Variants in MIB1 observed in about 807,000 individuals in gnomAD.
The protein encoded by MIB1 is E3 ubiquitin-protein ligase MIB1.
MIB1 carries 278 observed loss-of-function variants against 124.5 expected under a neutral mutation model. The ratio of observed to expected loss-of-function variants is 2.23; its 90% confidence interval spans 2.02 to 2.47. The LOEUF is 2.47. Among genes scored for constraint, MIB1 ranks in the 30% most tolerant of loss-of-function variants. The probability of loss-of-function intolerance (pLI) is 0.00; values close to 1 mark genes in which losing one functional copy is unlikely to be tolerated. For missense variants in MIB1, 957 were observed against 1,254.4 expected, an observed-to-expected ratio of 0.76 and a Z score of 3.58; for synonymous variants, 446 against 429.4, an observed-to-expected ratio of 1.04 and a Z score of -0.48.
Position 21,803,946 on chromosome 18 carries a change from GC to G in MIB1, c.1412del (p.Ala471ValfsTer10). ...TGCTGGCCACACAGCTATGCAAGCT[GC>G]TAGTCAGAATGGACATGTTGACATT... ...QCAGHTAMQA[A>X]SQNGHVDILK... On this transcript the variant is annotated frameshift_variant, in exon 10 of 21. Coordinates refer to ENST00000261537, the MANE Select transcript of MIB1 (RefSeq NM_020774.4). LOFTEE classifies it high-confidence loss of function. The G allele has an allele frequency of 6.2e-7, 1 of 1,613,762 alleles. No homozygotes were observed. The highest frequency in any genetic ancestry group is 8.5e-7 in the Non-Finnish European group (1 of 1,179,832).
intron 18 of MIB1, among the ~76,000 whole-genome samples, chr18:21,853,798 A>G (rs1247340459): frequency 6.6e-6 from 1 of 152,096 alleles, no homozygotes. Flanking sequence ...CCCTTGTTCA[A>G]GTTCATACAC....
At chr18:21,707,415 G>A (rs1293801756) in intron 1 of MIB1, among the ~76,000 whole-genome samples, 2 of 152,188 alleles carry the variant, frequency 1.3e-5, no homozygotes, top group African/African-American at 4.8e-5. Context: ...ATAAAAGCAG[G>A]CTGCCCGAGC....
chr18:21,789,537 C>T (rs2041477575), intron 6 of MIB1, among the ~76,000 whole-genome samples: 1 of 151,966 alleles, frequency 6.6e-6, no homozygotes, highest in South Asian at 2.1e-4. Flanking sequence ...AAGTGTAATC[C>T]CTATCAAAAT....
At chr18:21,721,804 G>A (rs2040716993) in intron 1 of MIB1, among the ~76,000 whole-genome samples, 1 of 152,256 alleles carries the variant, frequency 6.6e-6, no homozygotes, top group East Asian at 1.9e-4. Flanking sequence ...GAGAAAAGTT[G>A]CAAAGATAGT....
intron 4 of MIB1, among the ~76,000 whole-genome samples, chr18:21,775,115 T>G (rs2041268483): frequency 6.6e-6 from 1 of 151,904 alleles, no homozygotes. Flanking sequence ...CCGGCTCATT[T>G]TTTGCATTTT....
chr18:21,782,891 A>C (rs2041386519), intron 6 of MIB1, among the ~76,000 whole-genome samples: 1 of 152,106 alleles, frequency 6.6e-6, no homozygotes, highest in Non-Finnish European at 1.5e-5. Flanking sequence ...CCTACTGTTA[A>C]AGATATTGCA....
At chr18:21,829,135 ATTTG>A (rs2041955504) in intron 12 of MIB1, 1 of 426,940 alleles carries the variant, frequency 2.3e-6, no homozygotes, top group South Asian at 1.8e-5. Context: ...TTATTTTCTT[ATTTG>A]TTAGTGAAAC....
rs372315844 is a variant in MIB1, at chr18:21,835,772, G to GA, written c.1830-2580dup. On this transcript the variant is annotated intron_variant, in intron 12 of 20. Coordinates refer to ENST00000261537, the MANE Select transcript of MIB1 (RefSeq NM_020774.4). The stretch of plus-strand genomic sequence containing the variant: ...GCAACACAGCAAGACTCCATCTCAA[G>GA]AAAAAAAAAAAAATATATATATATA... Among the ~76,000 whole-genome samples, 61 of 82,684 alleles carry GA rather than the reference G, an allele frequency of 7.4e-4. No homozygotes were observed. The Middle Eastern group carries it at 0.023, about 31-fold the overall frequency. The allele number at this position is 82,684 out of a possible 152,430, so 54.2% of individuals were successfully genotyped here. A position where few individuals can be genotyped will look rare whatever the true frequency, so the allele number is the denominator to read the frequency against.
At chr18:21,843,974 T>G in intron 14 of MIB1, 118 bp from the exon 15 acceptor site, 1 of 917,700 alleles carries the variant, frequency 1.1e-6, no homozygotes, top group South Asian at 1.8e-5. Context: ...ATAAAAATGA[T>G]TAGCTTTAGT....
rs2042345183 is a variant in MIB1, at chr18:21,870,090, G to A, written c.*5424G>A. ...AATGATTTCTTGCTTATTAGCTTTT[G>A]TTAAAGAATGCTTAGTAAGAGCTAA... On this transcript the variant is annotated 3_prime_UTR_variant, in exon 21 of 21. Coordinates refer to ENST00000261537, the MANE Select transcript of MIB1 (RefSeq NM_020774.4). 2 of 152,414 alleles carry A rather than the reference G, an allele frequency of 1.3e-5. No individual in the cohort carries two copies. The highest frequency in any genetic ancestry group is 4.8e-5 in the African/African-American group (2 of 41,402). The allele number at this position is 152,414 out of a possible 1,614,324, so 9.4% of individuals were successfully genotyped here. A position where few individuals can be genotyped will look rare whatever the true frequency, so the allele number is the denominator to read the frequency against.
chr18:21,809,138 A>G (rs1036930870), intron 10 of MIB1, among the ~76,000 whole-genome samples: 5 of 152,122 alleles, frequency 3.3e-5, no homozygotes, highest in African/African-American at 7.2e-5. Flanking sequence ...ACTATGAACA[A>G]TATGCCAACA....
chr18:21,817,622 C>A, intron 11 of MIB1: 1 of 383,988 alleles, frequency 2.6e-6, no homozygotes, highest in Non-Finnish European at 5.1e-6. Flanking sequence ...AAACAGGTGG[C>A]TCCAATGTGT....
chr18:21,813,608 A>G (rs2041798559), intron 10 of MIB1, among the ~76,000 whole-genome samples: 1 of 122,558 alleles, frequency 8.2e-6, no homozygotes, highest in African/African-American at 3.8e-5. Flanking sequence ...GTGGATTCCT[A>G]CATGAGTGCT....
chr18:21,751,091 G>A (rs1056317141), intron 1 of MIB1, among the ~76,000 whole-genome samples: 1 of 151,868 alleles, frequency 6.6e-6, no homozygotes, highest in Non-Finnish European at 1.5e-5. Context: ...CCAGCTATTT[G>A]TTGGTGAGGC....
At chr18:21,736,404 G>A (rs544970398), upstream of MIB1, among the ~76,000 whole-genome samples, 2 of 152,288 alleles carry the variant, frequency 1.3e-5, no homozygotes, top group African/African-American at 4.8e-5. Context: ...CACAGAGATG[G>A]GGAGAAACCA....
intron 15 of MIB1, among the ~76,000 whole-genome samples, chr18:21,844,887 A>G (rs1199710010): frequency 2.6e-5 from 4 of 152,096 alleles, no homozygotes; most frequent in Non-Finnish European, 5.9e-5. Context: ...TCTTTTGTTC[A>G]TTATTTTGTT....
At chr18:21,744,251 A>G (rs1170869398) in intron 1 of MIB1, among the ~76,000 whole-genome samples, 1 of 152,022 alleles carries the variant, frequency 6.6e-6, no homozygotes, top group Non-Finnish European at 1.5e-5. Flanking sequence ...ATTCTATAAG[A>G]TTACTCAATA....
At chr18:21,784,588 C>A (rs1177548318) in intron 6 of MIB1, among the ~76,000 whole-genome samples, 1 of 152,080 alleles carries the variant, frequency 6.6e-6, no homozygotes, top group Admixed American at 6.5e-5. Flanking sequence ...TAATTTGTAG[C>A]ATTACTCTTT....
In MIB1 at chr18:21,867,848, TAA is replaced by T. The variant is rs2042330874; in HGVS notation, c.*3183_*3184del. The T allele has an allele frequency of 6.6e-6, 1 of 152,484 alleles. No individual in the cohort carries two copies. The highest frequency in any genetic ancestry group is 1.5e-5 in the Non-Finnish European group (1 of 67,944). 9.4% of individuals were successfully genotyped at this position (152,484 alleles called of 1,614,324 possible). ...TCTGAATTCTGGACCCTTTTTGGAC[TAA>T]GAATTAGTTAAATTCATGAACTAAG... On this transcript the variant is annotated 3_prime_UTR_variant, in exon 21 of 21. Coordinates refer to ENST00000261537, the MANE Select transcript of MIB1 (RefSeq NM_020774.4).
Sources: gnomAD v4.1 joint callset for allele counts (sites outside exome capture counted in the v4.1 genomes callset) on GRCh38, gnomAD v4.1.1 for gene constraint, MANE v1.5 for transcripts, NCBI Gene and HGNC (gene_info 2026-07-23, HGNC 2026-07-21) for gene names.